RNF13: variants seen among roughly 807,000 people sequenced by gnomAD.
RNF13 encodes the protein E3 ubiquitin-protein ligase RNF13.
In RNF13, 19 loss-of-function variants were observed where a neutral mutation model predicts 37.7. The ratio of observed to expected loss-of-function variants is 0.50; its 90% CI spans 0.35 to 0.74. The LOEUF (loss-of-function observed/expected upper bound fraction) is 0.74. Ranked by LOEUF, RNF13 falls within the 30% of genes least tolerant of loss-of-function variation. The pLI is 0.01. For synonymous variants in RNF13, 144 were observed against 157.8 expected (o/e 0.91, Z 0.65); for missense variants, 375 against 453.0 (o/e 0.83, Z 1.56).
chr3:149,960,680 T>TTAAA, intron 9 of RNF13, 60 bp from the exon 10 acceptor site: 1 of 1,485,114 alleles, frequency 6.7e-7, no homozygotes. Context: ...TGGCAAGAGA[T>TTAAA]TAAATATAAA....
intron 8 of RNF13, among the ~76,000 whole-genome samples, chr3:149,936,192 T>C (rs778424683): frequency 2.0e-5 from 3 of 152,162 alleles, no homozygotes; most frequent in Non-Finnish European, 4.4e-5. Context: ...GAGAATTTGA[T>C]TATTGTATGC....
At chr3:149,859,901 A>G (rs1423517204) in intron 3 of RNF13, among the ~76,000 whole-genome samples, 1 of 152,128 alleles carries the variant, frequency 6.6e-6, no homozygotes, top group East Asian at 1.9e-4. Flanking sequence ...ACCAGAAAAG[A>G]CCTCAAATAA....
intron 4 of RNF13, among the ~76,000 whole-genome samples, chr3:149,884,749 C>A (rs1352834520): frequency 6.6e-6 from 1 of 152,082 alleles, no homozygotes; most frequent in Non-Finnish European, 1.5e-5. Flanking sequence ...CTTTGTGTTA[C>A]ATACAATTCA....
chr3:149,908,377 G>T (rs1443868469), intron 6 of RNF13, among the ~76,000 whole-genome samples: 2 of 152,128 alleles, frequency 1.3e-5, no homozygotes, highest in African/African-American at 4.8e-5. Flanking sequence ...GTTCCTTTAA[G>T]ATTTCTATAT....
rs189267703 is a variant in RNF13 at position 149,908,889 on chromosome 3, A to G, written c.501-3089A>G. Among the ~76,000 whole-genome samples the G allele has an allele frequency of 3.9e-4, 60 of 152,340 alleles. No individual in the cohort carries two copies. The Middle Eastern group carries it at 0.014, about 35-fold the overall frequency. On this transcript the variant is annotated intron_variant, in intron 6 of 9. Coordinates refer to ENST00000392894, the MANE Select transcript of RNF13 (RefSeq NM_183381.3). ...CAGCTGGTTTGAAATTAGCCTGGGA[A>G]GTCACACAAAGGAAAATAAGACCCT...
Position 149,846,051 on chromosome 3 carries a change from A to G in RNF13, c.25A>G (p.Met9Val), listed in dbSNP as rs1450138635. 1 of 1,611,774 alleles carries G rather than the reference A, an allele frequency of 6.2e-7. No individual in the cohort carries two copies. Among genetic ancestry groups the G allele is most frequent in the African/African-American group, 1.3e-5 (1 of 74,762 alleles). Residue 9 changes from methionine (M) to valine (V), a missense_variant, in exon 2 of 10, where the codon ATG (methionine) becomes GTG (valine). By Grantham distance (21) the Met-to-Val change is conservative (BLOSUM62 1). Transcript: ENST00000392894. MLLSIGMLMLSATQVYTIL... is the reference protein window; with the variant it reads MLLSIGMLVLSATQVYTIL... ...GATGCTGCTCTCCATAGGGATGCTC[A>G]TGCTGTCAGCCACACAAGTCTACAC...
At chr3:149,899,515 C>T (rs1440595065) in intron 5 of RNF13, among the ~76,000 whole-genome samples, 1 of 152,126 alleles carries the variant, frequency 6.6e-6, no homozygotes, top group Non-Finnish European at 1.5e-5. Context: ...CTGTGTAAGG[C>T]AATATGACAT....
At chr3:149,910,739 C>T (rs935780544) in intron 6 of RNF13, among the ~76,000 whole-genome samples, 3 of 152,110 alleles carry the variant, frequency 2.0e-5, no homozygotes, top group Admixed American at 6.5e-5. Context: ...TTGCTGGCAC[C>T]GTACTAGTCT....
intron 3 of RNF13, among the ~76,000 whole-genome samples, chr3:149,855,702 A>G (rs1043081736): frequency 1.6e-4 from 25 of 151,840 alleles, no homozygotes; most frequent in African/African-American, 6.1e-4. Context: ...GATGAAACCA[A>G]TGGGTATGTA....
intron 4 of RNF13, among the ~76,000 whole-genome samples, chr3:149,872,548 G>A (rs1419489390): frequency 2.0e-5 from 3 of 152,118 alleles, no homozygotes; most frequent in African/African-American, 7.2e-5. Flanking sequence ...CATGGGTTAA[G>A]CTAGCATTTC....
intron 1 of RNF13, among the ~76,000 whole-genome samples, chr3:149,828,805 A>C (rs945581716): frequency 2.0e-5 from 3 of 152,088 alleles, no homozygotes; most frequent in African/African-American, 7.2e-5. Flanking sequence ...AATTTGACTT[A>C]ATTATATGGA....
At chr3:149,925,236 A>G (rs1234192947) in intron 8 of RNF13, among the ~76,000 whole-genome samples, 1 of 152,190 alleles carries the variant, frequency 6.6e-6, no homozygotes, top group East Asian at 1.9e-4. Flanking sequence ...GGTGTTTATC[A>G]TCACTTTTTT....
intron 6 of RNF13, among the ~76,000 whole-genome samples, chr3:149,909,782 C>G (rs569653019): frequency 6.6e-6 from 1 of 151,992 alleles, no homozygotes; most frequent in South Asian, 2.1e-4. Flanking sequence ...CAAACACACA[C>G]GAAGTTCCTA....
intron 8 of RNF13, among the ~76,000 whole-genome samples, chr3:149,935,133 T>C (rs484572): frequency 6.6e-6 from 1 of 152,210 alleles, no homozygotes; most frequent in Non-Finnish European, 1.5e-5. Context: ...CATTATATAG[T>C]GATTTTTTGG....
chr3:149,922,996 G>A (rs1216261362), intron 8 of RNF13, among the ~76,000 whole-genome samples: 1 of 151,778 alleles, frequency 6.6e-6, no homozygotes, highest in East Asian at 1.9e-4. Context: ...GGGAGTGGAG[G>A]GAGAAAATAG....
At chr3:149,960,232 A>G in intron 9 of RNF13, 96 bp downstream of exon 9, 1 of 820,820 alleles carries the variant, frequency 1.2e-6, no homozygotes, top group Non-Finnish European at 2.1e-6. Context: ...TTATTAGCAC[A>G]CCAGAAGCCA....
chr3:149,906,878 C>T (rs1716467486), intron 6 of RNF13, among the ~76,000 whole-genome samples: 1 of 151,924 alleles, frequency 6.6e-6, no homozygotes, highest in Non-Finnish European at 1.5e-5. Flanking sequence ...GTCTTGAACT[C>T]CTGGACTCAA....
intron 1 of RNF13, among the ~76,000 whole-genome samples, chr3:149,818,953 C>T (rs1477242851): frequency 1.3e-5 from 2 of 152,032 alleles, no homozygotes; most frequent in African/African-American, 4.8e-5. Flanking sequence ...AATCCCCTGG[C>T]TTATCTATGA....
At chr3:149,893,000 C>G (rs1714873023) in intron 4 of RNF13, among the ~76,000 whole-genome samples, 1 of 151,922 alleles carries the variant, frequency 6.6e-6, no homozygotes, top group South Asian at 2.1e-4. Context: ...GAAGTACTGA[C>G]AGGCATTCAG....
Sources: gnomAD v4.1 joint callset for allele counts (sites outside exome capture counted in the v4.1 genomes callset) on GRCh38, gnomAD v4.1.1 for gene constraint, MANE v1.5 for transcripts, NCBI Gene and HGNC (gene_info 2026-07-23, HGNC 2026-07-21) for gene names.